The following DKK1 variants were observed in gnomAD, a reference collection of about 807,000 sequenced individuals.
DKK1 encodes the protein dickkopf Wnt signaling pathway inhibitor 1.
Under a neutral mutation model 26.0 loss-of-function variants are expected in DKK1, and 18 were observed. That is an observed-to-expected ratio of 0.69 (90% CI 0.48 to 1.03). The LOEUF is 1.03. DKK1 is among the 50% of genes least tolerant of loss of function. The pLI, the probability that DKK1 is intolerant of heterozygous loss-of-function variation, is 0.00. For missense variants in DKK1, 335 were observed against 348.5 expected (o/e 0.96, Z 0.31); for synonymous variants, 130 against 132.6 (o/e 0.98, Z 0.13).
chr10:52,314,516 G>C lies in DKK1; in HGVS notation c.82G>C (p.Gly28Arg). Residue 28 changes from glycine to arginine, a missense_variant, in exon 1 of 4, where the codon GGA becomes CGA. Coordinates refer to ENST00000373970, the MANE Select transcript of DKK1 (RefSeq NM_012242.4). The surrounding 1 kb of genome is among the most constrained non-coding windows in gnomAD (Gnocchi z 5.7). The stretch of plus-strand genomic sequence containing the variant: ...GGCTCTCGGCGGCCACCCTCTGCTG[G>C]GAGTGAGCGCCACCTTGAACTCGGT... The part of the protein sequence containing the change: ...AAALGGHPLL[G>R]VSATLNSVLN... The C allele has an allele frequency of 6.2e-7, 1 of 1,613,788 alleles. No individual in the cohort carries two copies. The highest frequency in any genetic ancestry group is 1.7e-5 in the Admixed American group (1 of 60,014).
chr10:52,314,464 C>T lies in DKK1; in HGVS notation c.30C>T (p.Thr10=). 1 of 1,613,978 alleles carries T rather than the reference C, an allele frequency of 6.2e-7. No individual in the cohort carries two copies. Among genetic ancestry groups the T allele is most frequent in the Non-Finnish European group, 8.5e-7 (1 of 1,180,020 alleles). The change falls in exon 1 of 4, where the codon ACC becomes ACT. Residue 10 remains threonine (T), a synonymous_variant. Coordinates refer to ENST00000373970, the MANE Select transcript of DKK1 (RefSeq NM_012242.4). The surrounding 1 kb of genome is among the most constrained non-coding windows in gnomAD (Gnocchi z 5.7). The part of the protein sequence containing the change: MMALGAAGA[T]RVFVAMVAAA... ...TGGCTCTGGGCGCAGCGGGAGCTACCCGGGTCTTTGTCGCGATGGTAGCGG... is the reference window on the plus strand; with the variant it reads ...TGGCTCTGGGCGCAGCGGGAGCTACTCGGGTCTTTGTCGCGATGGTAGCGG...
chr10:52,315,874 C>T (rs1842612128), intron 2 of DKK1, among the ~76,000 whole-genome samples: 1 of 152,172 alleles, frequency 6.6e-6, no homozygotes, highest in Admixed American at 6.5e-5. Flanking sequence ...TGCAATGTTC[C>T]AGGCAGCTGG....
Position 52,314,776 on chromosome 10 carries a change from C to T in DKK1, c.243+99C>T. On this transcript the variant is annotated intron_variant, in intron 1 of 3. Transcript: ENST00000373970. The surrounding 1 kb of genome is among the most constrained non-coding windows in gnomAD (Gnocchi z 5.7). ...TGCTGAATGTGTGCGGTTCAGGGAG[C>T]ATTTGGTAACCCTGCATTTGGGAGC... 2 of 1,535,550 alleles carry T rather than the reference C, an allele frequency of 1.3e-6. No homozygotes were observed. Among genetic ancestry groups the T allele is most frequent in the Non-Finnish European group, 1.8e-6 (2 of 1,139,154 alleles).
In DKK1 at chr10:52,314,571, C is replaced by T. The variant is rs1265701638; in HGVS notation, c.137C>T (p.Pro46Leu). 2 of 1,613,482 alleles carry T rather than the reference C, an allele frequency of 1.2e-6. No homozygotes were observed. The highest frequency in any genetic ancestry group is 1.7e-6 in the Non-Finnish European group (2 of 1,179,960). The change falls in exon 1 of 4, where the codon CCC (proline) becomes CTC (leucine). Residue 46 changes from proline (P) to leucine (L), a missense_variant. Coordinates refer to ENST00000373970, the MANE Select transcript of DKK1 (RefSeq NM_012242.4). The surrounding 1 kb of genome is among the most constrained non-coding windows in gnomAD (Gnocchi z 5.7). ...AATTCCAACGCTATCAAGAACCTGC[C>T]CCCACCGCTGGGCGGCGCTGCGGGG... ...VLNSNAIKNL[P>L]PPLGGAAGHP...
Position 52,316,921 on chromosome 10 carries a change from C to T in DKK1, c.*114C>T. ...TACAAGTTCTGTGGTTTCAGTTAAG[C>T]ATTCCAATAACACCTTCCAAAAACC... is the stretch of plus-strand genomic sequence containing the variant. On this transcript the variant is annotated 3_prime_UTR_variant, in exon 4 of 4. Coordinates refer to ENST00000373970, the MANE Select transcript of DKK1 (RefSeq NM_012242.4). The T allele has an allele frequency of 2.4e-6, 3 of 1,266,670 alleles. No homozygotes were observed. Among genetic ancestry groups the T allele is most frequent in the Non-Finnish European group, 3.3e-6 (3 of 920,356 alleles). 78.5% of individuals were successfully genotyped at this position (1,266,670 alleles called of 1,614,324 possible). A position where few individuals can be genotyped will look rare whatever the true frequency, so the allele number is the denominator to read the frequency against.
rs2241529 is a variant in DKK1 at position 52,314,997 on chromosome 10, A to G, written c.318A>G (p.Ala106=). 868,011 of 1,601,528 alleles carry G rather than the reference A, an allele frequency of 0.54. 239,741 individuals carry two copies. Among genetic ancestry groups the G allele is most frequent in the Middle Eastern group, 0.71 (4,283 of 6,000 alleles). Residue 106 remains alanine, a synonymous_variant, in exon 2 of 4, where the codon GCA becomes GCG. Transcript: ENST00000373970. The surrounding 1 kb of genome is among the most constrained non-coding windows in gnomAD (Gnocchi z 5.7). ...YCASPTRGGD[A]GVQICLACRK... ...CTAGTCCCACCCGCGGAGGGGACGC[A>G]GGCGTGCAAATCTGTCTCGCCTGCA...
At chr10:52,316,250 A>C (rs372304806) in intron 2 of DKK1, 45 bp from the exon 3 acceptor site, 23 of 1,606,622 alleles carry the variant, frequency 1.4e-5, no homozygotes, top group African/African-American at 4.0e-5. Flanking sequence ...GTTAGCAGTA[A>C]TGCATTACAA....
Position 52,316,671 on chromosome 10 carries a change from A to G in DKK1, c.665A>G (p.Lys222Arg). The change falls in exon 4 of 4, where the codon AAG (lysine) becomes AGG (arginine). Residue 222 changes from lysine (K) to arginine (R), a missense_variant. Coordinates refer to ENST00000373970, the MANE Select transcript of DKK1 (RefSeq NM_012242.4). ...PVLKEGQVCT[K>R]HRRKGSHGLE... is the part of the protein sequence containing the mutation. The stretch of plus-strand genomic sequence containing the variant: ...CTGAAAGAAGGTCAAGTGTGTACCA[A>G]GCATAGGAGAAAAGGCTCTCATGGA... 1 of 1,614,154 alleles carries G rather than the reference A, an allele frequency of 6.2e-7. No individual in the cohort carries two copies.
rs753117217 is a variant in DKK1 at position 52,315,075 on chromosome 10, C to T, written c.396C>T (p.Tyr132=). Residue 132 remains tyrosine, a synonymous_variant, in exon 2 of 4, where the codon TAC becomes TAT. Transcript: ENST00000373970. The part of the protein sequence containing the change: ...MRHAMCCPGN[Y]CKNGICVSSD... ...ACGCTATGTGCTGCCCCGGGAATTA[C>T]TGCAAAAATGGTGAGTCCTGAAAGC... 6.5e-7 allele frequency: 1 copy of T among 1,541,090 alleles called. No homozygotes were observed. The highest frequency in any genetic ancestry group is 1.2e-5 in the South Asian group (1 of 82,742).
Position 52,315,021 on chromosome 10 carries a change from C to T in DKK1, c.342C>T (p.Cys114=). ...GDAGVQICLA[C]RKRRKRCMRH... is the part of the protein sequence containing the mutation. Reference sequence around the variant, plus strand: ...CAGGCGTGCAAATCTGTCTCGCCTGCAGGAAGCGCCGAAAACGCTGCATGC... The same window carrying T: ...CAGGCGTGCAAATCTGTCTCGCCTGTAGGAAGCGCCGAAAACGCTGCATGC... Residue 114 remains cysteine (C), a synonymous_variant, in exon 2 of 4, where the codon TGC becomes TGT. Coordinates refer to ENST00000373970, the MANE Select transcript of DKK1 (RefSeq NM_012242.4). The T allele has an allele frequency of 1.2e-6, 2 of 1,605,114 alleles. No homozygotes were observed. Among genetic ancestry groups the T allele is most frequent in the Non-Finnish European group, 1.7e-6 (2 of 1,173,820 alleles).
chr10:52,314,787 C>G lies in DKK1; in HGVS notation c.243+110C>G, dbSNP rs913585030. 6.6e-7 allele frequency: 1 copy of G among 1,519,868 alleles called. No homozygotes were observed. The highest frequency in any genetic ancestry group is 1.4e-5 in the African/African-American group (1 of 72,338). 94.1% of individuals were successfully genotyped at this position (1,519,868 alleles called of 1,614,324 possible). A position where few individuals can be genotyped will look rare whatever the true frequency, so the allele number is the denominator to read the frequency against. On this transcript the variant is annotated intron_variant, in intron 1 of 3. Transcript: ENST00000373970. The surrounding 1 kb of genome is among the most constrained non-coding windows in gnomAD (Gnocchi z 5.7). ...TGCGGTTCAGGGAGCATTTGGTAAC[C>G]CTGCATTTGGGAGCAGTGGGCAGTA...
Position 52,314,506 on chromosome 10 carries a change from C to A in DKK1, c.72C>A (p.His24Gln). ...TGGTAGCGGCGGCTCTCGGCGGCCA[C>A]CCTCTGCTGGGAGTGAGCGCCACCT... ...VAMVAAALGG[H>Q]PLLGVSATLN... Residue 24 changes from histidine (H) to glutamine (Q), a missense_variant, in exon 1 of 4, where the codon CAC becomes CAA. Physicochemically the swap from His to Gln is conservative, Grantham distance 24 (BLOSUM62 0). Transcript: ENST00000373970. This position sits in a 1 kb window ranked among gnomAD's most constrained non-coding sequence, Gnocchi z 5.7. 1 of 1,613,744 alleles carries A rather than the reference C, an allele frequency of 6.2e-7. No homozygotes were observed.
Position 52,315,021 on chromosome 10 carries a change from C to G in DKK1, c.342C>G (p.Cys114Trp). ...CAGGCGTGCAAATCTGTCTCGCCTG[C>G]AGGAAGCGCCGAAAACGCTGCATGC... ...GDAGVQICLA[C>W]RKRRKRCMRH... is the part of the protein sequence containing the mutation. The change falls in exon 2 of 4, where the codon TGC becomes TGG. Residue 114 changes from cysteine to tryptophan, a missense_variant. Transcript: ENST00000373970. 6.2e-7 allele frequency: 1 copy of G among 1,605,114 alleles called. No homozygotes were observed. The highest frequency in any genetic ancestry group is 8.5e-7 in the Non-Finnish European group (1 of 1,173,820).
rs183951849 is a variant in DKK1, at chr10:52,316,550, G to T, written c.548-4G>T. On this transcript the variant is annotated splice_polypyrimidine_tract_variant and splice_region_variant and intron_variant, in intron 3 of 3. Coordinates refer to ENST00000373970, the MANE Select transcript of DKK1 (RefSeq NM_012242.4). ...CTTTTTTCCTACTGTCTTCTCCTTC[G>T]TAGGACAAGAAGGTTCTGTTTGTCT... 2.4e-4 allele frequency: 384 copies of T among 1,613,576 alleles called. 2 individuals are homozygous for T. In the East Asian group the frequency reaches 5.4e-3, roughly 23 times the overall value.
In DKK1 at chr10:52,316,617, A is replaced by G. The variant is rs1281958810; in HGVS notation, c.611A>G (p.His204Arg). The G allele has an allele frequency of 2.5e-6, 4 of 1,613,960 alleles. No homozygotes were observed. The highest frequency in any genetic ancestry group is 1.7e-5 in the Admixed American group (1 of 59,996). Residue 204 changes from histidine to arginine, a missense_variant, in exon 4 of 4, where the codon CAC becomes CGC. His to Arg is a conservative substitution (Grantham distance 29). Transcript: ENST00000373970. ...GCCTCAGGATTGTGTTGTGCTAGAC[A>G]CTTCTGGTCCAAGATCTGTAAACCT... is the stretch of plus-strand genomic sequence containing the variant. The part of the protein sequence containing the change: ...DCASGLCCAR[H>R]FWSKICKPVL...
intron 2 of DKK1, among the ~76,000 whole-genome samples, chr10:52,315,633 A>C (rs1189331479): frequency 4.6e-5 from 7 of 152,112 alleles, no homozygotes; most frequent in African/African-American, 7.2e-5. Context: ...TGACTTCTCC[A>C]TCCTTCCCCC....
rs1842598614 is a variant in DKK1, at chr10:52,314,662, C to T, written c.228C>T (p.Thr76=). The change falls in exon 1 of 4, where the codon ACC becomes ACT. Residue 76 remains threonine (T), a synonymous_variant. Transcript: ENST00000373970. The surrounding 1 kb of genome is among the most constrained non-coding windows in gnomAD (Gnocchi z 5.7). The part of the protein sequence containing the change: ...ILYPGGNKYQ[T]IDNYQPYPCA... The stretch of plus-strand genomic sequence containing the variant: ...ACCCGGGCGGGAATAAGTACCAGAC[C>T]ATTGACAACTACCAGGTGAGAGGGG... 1 of 1,612,946 alleles carries T rather than the reference C, an allele frequency of 6.2e-7. No individual in the cohort carries two copies.
In DKK1 at chr10:52,314,612, G is replaced by T; in HGVS notation, c.178G>T (p.Val60Phe). Residue 60 changes from valine to phenylalanine, a missense_variant, in exon 1 of 4, where the codon GTC (valine) becomes TTC (phenylalanine). Transcript: ENST00000373970. This position sits in a 1 kb window ranked among gnomAD's most constrained non-coding sequence, Gnocchi z 5.7. ...GGAAGHPGSA[V>F]SAAPGILYPG... ...CGCTGCGGGGCACCCAGGCTCTGCAGTCAGCGCCGCGCCGGGAATCCTGTA... is the reference window on the plus strand; with the variant it reads ...CGCTGCGGGGCACCCAGGCTCTGCATTCAGCGCCGCGCCGGGAATCCTGTA... 1.2e-6 allele frequency: 2 copies of T among 1,613,372 alleles called. No homozygotes were observed. The highest frequency in any genetic ancestry group is 1.7e-6 in the Non-Finnish European group (2 of 1,179,988).
Position 52,314,569 on chromosome 10 carries a change from G to A in DKK1, c.135G>A (p.Leu45=). The change falls in exon 1 of 4, where the codon CTG becomes CTA. Residue 45 remains leucine, a synonymous_variant. Transcript: ENST00000373970. This position sits in a 1 kb window ranked among gnomAD's most constrained non-coding sequence, Gnocchi z 5.7. ...SVLNSNAIKN[L]PPPLGGAAGH... ...TCAATTCCAACGCTATCAAGAACCT[G>A]CCCCCACCGCTGGGCGGCGCTGCGG... 7 of 1,613,624 alleles carry A rather than the reference G, an allele frequency of 4.3e-6. No individual in the cohort carries two copies. The highest frequency in any genetic ancestry group is 5.1e-6 in the Non-Finnish European group (6 of 1,179,988).
Sources: allele counts gnomAD v4.1 joint callset (sites outside exome capture counted in the v4.1 genomes callset), GRCh38; gene constraint gnomAD v4.1.1; non-coding constraint Gnocchi (gnomAD v3.1); transcripts MANE v1.5; gene names NCBI Gene and HGNC (gene_info 2026-07-23, HGNC 2026-07-21).